PTPRF: variants seen among roughly 807,000 people sequenced by gnomAD.
The protein encoded by PTPRF is protein tyrosine phosphatase receptor type F, also known as receptor-type tyrosine-protein phosphatase F.
Under a neutral mutation model 201.8 loss-of-function variants are expected in PTPRF, and 59 were observed. That is an observed-to-expected ratio of 0.29 (90% CI 0.24 to 0.36). The LOEUF (loss-of-function observed/expected upper bound fraction) is 0.36. Among genes scored for constraint, PTPRF ranks in the 10% least tolerant of loss-of-function variants. PTPRF has a pLI of 1.00. For missense variants in PTPRF, 2,132 were observed against 2,690.5 expected (o/e 0.79, Z 4.59); for synonymous variants, 1,088 against 1,089.7 (o/e 1.00, Z 0.03).
chr1:43,572,955 C>T (rs1312011593), intron 6 of PTPRF, among the ~76,000 whole-genome samples: 1 of 152,098 alleles, frequency 6.6e-6, no homozygotes, highest in Admixed American at 6.5e-5. Flanking sequence ...CTTCTCCAGA[C>T]CCCAGGCCCC....
At chr1:43,533,374 T>A (rs879690763) in intron 1 of PTPRF, among the ~76,000 whole-genome samples, 2 of 151,946 alleles carry the variant, frequency 1.3e-5, no homozygotes, top group Non-Finnish European at 2.9e-5. Flanking sequence ...CATCTTTTAC[T>A]GGGAAGTGTA....
At chr1:43,528,252 G>A (rs1643201269), upstream of PTPRF, among the ~76,000 whole-genome samples, 1 of 152,158 alleles carries the variant, frequency 6.6e-6, no homozygotes, top group African/African-American at 2.4e-5. Flanking sequence ...GAGTGCAGTG[G>A]AGCAATCTCC....
At chr1:43,579,640 G>A (rs1647179113) in intron 7 of PTPRF, 2 of 216,278 alleles carry the variant, frequency 9.2e-6, no homozygotes, top group Admixed American at 5.3e-5. Flanking sequence ...CAGCCTAGGG[G>A]TGACTAAAGC....
chr1:43,522,774 G>A (rs190103783), upstream of PTPRF, among the ~76,000 whole-genome samples: 2 of 152,214 alleles, frequency 1.3e-5, no homozygotes, highest in East Asian at 1.9e-4. Context: ...GGAAGCTGGC[G>A]CCACCGCAGA....
chr1:43,560,694 AT>A (rs1645747199), intron 5 of PTPRF, among the ~76,000 whole-genome samples: 1 of 152,154 alleles, frequency 6.6e-6, no homozygotes, highest in Non-Finnish European at 1.5e-5. Flanking sequence ...TGTGGCCAGA[AT>A]GGTCTGGCTG....
chr1:43,593,715 T>C (rs1651481344), intron 11 of PTPRF, among the ~76,000 whole-genome samples: 1 of 71,766 alleles, frequency 1.4e-5, no homozygotes, highest in Non-Finnish European at 3.4e-5. Flanking sequence ...CCAGGCACGG[T>C]GGCTCACACC....
At chr1:43,535,292 G>A (rs1643934576) in intron 1 of PTPRF, among the ~76,000 whole-genome samples, 1 of 152,146 alleles carries the variant, frequency 6.6e-6, no homozygotes, top group South Asian at 2.1e-4. Flanking sequence ...GCCTGCAGAA[G>A]AGACTCCATG....
intron 5 of PTPRF, among the ~76,000 whole-genome samples, chr1:43,558,665 A>AGGC (rs1342119565): frequency 2.6e-5 from 4 of 152,062 alleles, no homozygotes; most frequent in Non-Finnish European, 5.9e-5. Flanking sequence ...CGCACTCTTG[A>AGGC]GGCGGCGGCT....
intron 1 of PTPRF, among the ~76,000 whole-genome samples, chr1:43,534,905 A>G (rs1643907971): frequency 6.6e-6 from 1 of 152,196 alleles, no homozygotes; most frequent in South Asian, 2.1e-4. Context: ...CATTTGTCAA[A>G]TGATTATAAT....
intron 5 of PTPRF, among the ~76,000 whole-genome samples, chr1:43,556,452 G>A (rs577056998): frequency 1.3e-5 from 2 of 152,290 alleles, no homozygotes; most frequent in South Asian, 4.1e-4. Flanking sequence ...AGTAGAGACG[G>A]GGTTTCACCA....
upstream of PTPRF, chr1:43,528,686 G>A (rs1643221164): frequency 1.3e-5 from 2 of 152,232 alleles, no homozygotes; most frequent in South Asian, 2.1e-4. Flanking sequence ...AGTGGTGCAG[G>A]AGGGAAGGTC....
rs144633324 is a variant in PTPRF at position 43,542,760 on chromosome 1, C to T, written c.-45-2271C>T. On this transcript the variant is annotated intron_variant, in intron 2 of 33. Coordinates refer to ENST00000359947, the MANE Select transcript of PTPRF (RefSeq NM_002840.5). The surrounding 1 kb of genome is among the most constrained non-coding windows in gnomAD (Gnocchi z 5.2). The stretch of plus-strand genomic sequence containing the variant: ...CCGCCCACGTGATGTCTAGACCACA[C>T]CATTACACCTCCATGATGTCTGCAC... Among the ~76,000 whole-genome samples the T allele has an allele frequency of 1.3e-5, 2 of 152,252 alleles. No homozygotes were observed. The highest frequency in any genetic ancestry group is 2.9e-5 in the Non-Finnish European group (2 of 68,006).
chr1:43,614,413 G>T (rs1657225065), intron 23 of PTPRF, among the ~76,000 whole-genome samples: 1 of 152,194 alleles, frequency 6.6e-6, no homozygotes, highest in African/African-American at 2.4e-5. Context: ...ATCTTGTTCT[G>T]GACTTAACTC....
At chr1:43,576,697 C>T (rs1005081060) in intron 6 of PTPRF, among the ~76,000 whole-genome samples, 4 of 152,238 alleles carry the variant, frequency 2.6e-5, no homozygotes, top group African/African-American at 9.6e-5. Context: ...GGGTCACGGC[C>T]ACCTGCCGCA....
intron 1 of PTPRF, among the ~76,000 whole-genome samples, chr1:43,535,972 G>A (rs1392754717): frequency 6.6e-6 from 1 of 152,106 alleles, no homozygotes; most frequent in Non-Finnish European, 1.5e-5. Flanking sequence ...GTTTTGTCAT[G>A]TTGTCCAGGC....
At chr1:43,614,872 A>AT (rs34004799) in intron 23 of PTPRF, among the ~76,000 whole-genome samples, 113,946 of 151,800 alleles carry the variant, frequency 0.75, 43,204 homozygotes, top group African/African-American at 0.82. Flanking sequence ...AAATAAAAAA[A>AT]ACTCTTAAAA....
chr1:43,564,526 T>C (rs1350981309), intron 5 of PTPRF, among the ~76,000 whole-genome samples: 1 of 152,196 alleles, frequency 6.6e-6, no homozygotes, highest in Non-Finnish European at 1.5e-5. Flanking sequence ...CCACAGGTGC[T>C]AGTCACTGCA....
chr1:43,609,928 G>A (rs532533817), intron 22 of PTPRF, among the ~76,000 whole-genome samples: 1 of 152,312 alleles, frequency 6.6e-6, no homozygotes, highest in Admixed American at 6.5e-5. Context: ...CTGCACCTGA[G>A]CCTTCCTGGA....
rs769736192 is a variant in PTPRF at position 43,578,916 on chromosome 1, G to T, written c.675G>T (p.Val225=). The T allele has an allele frequency of 5.0e-6, 8 of 1,614,146 alleles. No individual in the cohort carries two copies. The Admixed American group carries it at 1.2e-4, about 24-fold the overall frequency. Residue 225 remains valine, a synonymous_variant, in exon 7 of 34, where the codon GTG becomes GTT. Transcript: ENST00000359947. ...TRYSAPANLY[V]RVRRVAPRFS... is the part of the protein sequence containing the mutation. The stretch of plus-strand genomic sequence containing the variant: ...ACTCAGCCCCTGCGAACCTGTATGT[G>T]CGAGGTAAGGACTCAGGCAGTGCCT...
Sources: gnomAD v4.1 joint callset for allele counts (sites outside exome capture counted in the v4.1 genomes callset) on GRCh38, gnomAD v4.1.1 for gene constraint, Gnocchi (gnomAD v3.1) non-coding constraint, MANE v1.5 for transcripts, NCBI Gene and HGNC (gene_info 2026-07-23, HGNC 2026-07-21) for gene names.